APP: variants seen among roughly 807,000 people sequenced by gnomAD.
The protein encoded by APP is amyloid-beta precursor protein.
APP carries 31 observed loss-of-function variants against 101.4 expected under a neutral mutation model. The ratio of observed to expected loss-of-function variants is 0.31; its 90% CI spans 0.23 to 0.41. APP has a LOEUF of 0.41. APP is among the 10% of genes least tolerant of loss of function. The pLI, the probability that APP is intolerant of heterozygous loss-of-function variation, is 1.00. For missense variants in APP, 839 were observed against 1,003.7 expected, an observed-to-expected ratio of 0.84 and a Z score of 2.22; for synonymous variants, 366 against 364.4, an observed-to-expected ratio of 1.00 and a Z score of -0.05.
chr21:26,068,440 A>G (rs1482924407), intron 3 of APP: 1 of 150,910 alleles, frequency 6.6e-6, no homozygotes, highest in Non-Finnish European at 1.5e-5. Context: ...ATCATAGCTC[A>G]CTGCAGCCTC....
chr21:26,009,360 T>C (rs2043677834), intron 6 of APP, among the ~76,000 whole-genome samples: 1 of 152,154 alleles, frequency 6.6e-6, no homozygotes, highest in Non-Finnish European at 1.5e-5. Flanking sequence ...TCAAGCAACA[T>C]TAAAACAGCT....
At chr21:26,134,942 AAAT>A in intron 1 of APP, among the ~76,000 whole-genome samples, 1 of 152,364 alleles carries the variant, frequency 6.6e-6, no homozygotes, top group East Asian at 1.9e-4. Context: ...CGATGTTTCT[AAAT>A]ATCCAAGGTA....
At chr21:25,909,621 TCTC>T (rs1190774538) in intron 14 of APP, among the ~76,000 whole-genome samples, 50 of 152,352 alleles carry the variant, frequency 3.3e-4, no homozygotes, top group African/African-American at 9.4e-4. Context: ...ACGCAGATTT[TCTC>T]CTAAGGCTGA....
In APP at chr21:25,880,678, T is replaced by A. The variant is rs1357540028; in HGVS notation, c.*992A>T. ...TTATATTGCCACTTCCATTTTCATCTTCTTTTGTATCATAAATGAAACTTC... is the reference window on the plus strand; with the variant it reads ...TTATATTGCCACTTCCATTTTCATCATCTTTTGTATCATAAATGAAACTTC... On this transcript the variant is annotated 3_prime_UTR_variant, in exon 18 of 18. Transcript: ENST00000346798. 6.6e-6 allele frequency: 1 copy of A among 152,242 alleles called. No individual in the cohort carries two copies. The highest frequency in any genetic ancestry group is 1.5e-5 in the Non-Finnish European group (1 of 68,038). The allele number at this position is 152,242 out of a possible 1,614,324, so 9.4% of individuals were successfully genotyped here.
At chr21:26,111,382 T>C (rs2062318564) in intron 2 of APP, among the ~76,000 whole-genome samples, 1 of 152,148 alleles carries the variant, frequency 6.6e-6, no homozygotes, top group African/African-American at 2.4e-5. Flanking sequence ...AAATTAATGC[T>C]AGCACTTTTA....
rs542928784 is a variant in APP, at chr21:25,905,101, CAGAA to C, written c.1910-28_1910-25del. ...AACTGGGCACAGGAAGCAAGGGACA[CAGAA>C]AGCAAACAAGACAAATCAAGATGGT... On this transcript the variant is annotated intron_variant, in intron 14 of 17. Coordinates refer to ENST00000346798, the MANE Select transcript of APP (RefSeq NM_000484.4). 1.1e-4 allele frequency: 177 copies of C among 1,609,842 alleles called. No individual in the cohort carries two copies. In the East Asian group the frequency reaches 1.9e-3, roughly 17 times the overall value.
chr21:25,881,818 T>C (rs779610796), intron 17 of APP, 47 bp from the exon 18 acceptor site: 1 of 1,565,740 alleles, frequency 6.4e-7, no homozygotes, highest in East Asian at 2.2e-5. Context: ...ATCAATCTTT[T>C]AAGGGTGAAC....
intron 5 of APP, among the ~76,000 whole-genome samples, chr21:26,046,190 C>G (rs114754706): frequency 1.3e-5 from 2 of 151,598 alleles, no homozygotes; most frequent in Non-Finnish European, 2.9e-5. Context: ...TCACTGCCCC[C>G]CAAACCAGAG....
chr21:25,958,004 A>C (rs960873686), intron 11 of APP, among the ~76,000 whole-genome samples: 1 of 151,852 alleles, frequency 6.6e-6, no homozygotes, highest in South Asian at 2.1e-4. Flanking sequence ...AAAACAAAAA[A>C]CAAAAAACAA....
intron 6 of APP, among the ~76,000 whole-genome samples, chr21:26,017,547 C>T (rs1013257018): frequency 2.6e-5 from 4 of 152,132 alleles, no homozygotes; most frequent in Admixed American, 2.6e-4. Flanking sequence ...CCCAACGATG[C>T]CTTCCACAGT....
At chr21:25,891,635 T>C (rs1402774154) in intron 17 of APP, 87 bp downstream of exon 17, 11 of 1,300,008 alleles carry the variant, frequency 8.5e-6, no homozygotes, top group South Asian at 7.1e-5. Flanking sequence ...TTAAAAGAGA[T>C]ACTTAGCTAG....
At chr21:25,898,996 T>G (rs1236597874) in intron 15 of APP, among the ~76,000 whole-genome samples, 1 of 152,228 alleles carries the variant, frequency 6.6e-6, no homozygotes, top group Non-Finnish European at 1.5e-5. Context: ...AAGGATAATC[T>G]GACAAAACCT....
intron 17 of APP, 86 bp from the exon 18 acceptor site, chr21:25,881,857 A>C: frequency 2.3e-6 from 3 of 1,326,866 alleles, no homozygotes; most frequent in Non-Finnish European, 3.2e-6. Context: ...GATAAGGAGT[A>C]CAGTACTCTT....
At chr21:26,070,381 C>T (rs1452787841) in intron 3 of APP, among the ~76,000 whole-genome samples, 1 of 152,112 alleles carries the variant, frequency 6.6e-6, no homozygotes, top group Admixed American at 6.5e-5. Flanking sequence ...TTCTGGACTT[C>T]TAAGGAAGAA....
intron 3 of APP, among the ~76,000 whole-genome samples, chr21:26,079,570 G>A (rs550581987): frequency 1.4e-4 from 22 of 152,238 alleles, no homozygotes; most frequent in African/African-American, 4.8e-4. Flanking sequence ...GAAATCCAGT[G>A]TTCAGCTGAT....
intron 3 of APP, among the ~76,000 whole-genome samples, chr21:26,083,202 A>C (rs1357473263): frequency 6.6e-6 from 1 of 152,224 alleles, no homozygotes; most frequent in Non-Finnish European, 1.5e-5. Context: ...GTTATATAAA[A>C]ATCAACTAAA....
intron 13 of APP, among the ~76,000 whole-genome samples, chr21:25,925,553 G>T (rs113931337): frequency 2.6e-4 from 40 of 152,206 alleles, no homozygotes; most frequent in African/African-American, 9.4e-4. Flanking sequence ...CATCTGAGAA[G>T]ACCTACCCTC....
intron 1 of APP, chr21:26,140,283 A>G (rs867968568): frequency 6.5e-7 from 1 of 1,535,550 alleles, no homozygotes; most frequent in Middle Eastern, 1.7e-4. Context: ...TGTTAACTGC[A>G]GTGACCACAA....
chr21:26,075,122 C>T (rs2061478330), intron 3 of APP, among the ~76,000 whole-genome samples: 1 of 152,158 alleles, frequency 6.6e-6, no homozygotes, highest in African/African-American at 2.4e-5. Context: ...TTGGGCTATT[C>T]TTTCTTTTCC....
Sources: gnomAD v4.1 joint callset for allele counts (sites outside exome capture counted in the v4.1 genomes callset) on GRCh38, gnomAD v4.1.1 for gene constraint, MANE v1.5 for transcripts, NCBI Gene and HGNC (gene_info 2026-07-23, HGNC 2026-07-21) for gene names.